FOXP2: variants seen among roughly 807,000 people sequenced by gnomAD.
FOXP2 encodes the protein forkhead box P2, also known as forkhead box protein P2.
A neutral mutation model predicts 115.8 loss-of-function variants in FOXP2; 12 were observed. That is an observed-to-expected ratio of 0.10 (90% confidence interval 0.07 to 0.17). The LOEUF (loss-of-function observed/expected upper bound fraction) is 0.17. FOXP2 is among the 10% of genes least tolerant of loss of function. The probability of loss-of-function intolerance (pLI) is 1.00; values close to 1 mark genes in which losing one functional copy is unlikely to be tolerated. For missense variants in FOXP2, 629 were observed against 843.5 expected (o/e 0.75, Z 3.15); for synonymous variants, 328 against 297.7 (o/e 1.10, Z -1.05).
chr7:114,632,700 TC>T (rs928932950), intron 6 of FOXP2, among the ~76,000 whole-genome samples: 66 of 152,226 alleles, frequency 4.3e-4, no homozygotes, highest in African/African-American at 1.4e-3. Flanking sequence ...TTGGCTTTTT[TC>T]CCCCTGGTTT....
At chr7:114,250,935 A>G (rs1795425375) in intron 1 of FOXP2, among the ~76,000 whole-genome samples, 1 of 152,188 alleles carries the variant, frequency 6.6e-6, no homozygotes, top group African/African-American at 2.4e-5. Flanking sequence ...TTTTAAGTCT[A>G]ACATTTAAGT....
At chr7:114,243,319 A>G (rs1795200346) in intron 1 of FOXP2, among the ~76,000 whole-genome samples, 1 of 152,070 alleles carries the variant, frequency 6.6e-6, no homozygotes, top group African/African-American at 2.4e-5. Context: ...AGAGAGGTAT[A>G]ATAAAGAGGA....
chr7:114,461,511 C>T (rs1178274051), intron 2 of FOXP2, among the ~76,000 whole-genome samples: 1 of 151,952 alleles, frequency 6.6e-6, no homozygotes. Context: ...CTACTGTTCA[C>T]CTGTATGTAT....
chr7:114,136,916 C>CCAGG (rs1408761676), intron 1 of FOXP2, among the ~76,000 whole-genome samples: 1 of 151,816 alleles, frequency 6.6e-6, no homozygotes, highest in Non-Finnish European at 1.5e-5. Context: ...GTTTATGGCC[C>CCAGG]CAGGCTTAAA....
At chr7:114,327,437 C>T (rs1797585382) in intron 2 of FOXP2, among the ~76,000 whole-genome samples, 3 of 151,776 alleles carry the variant, frequency 2.0e-5, no homozygotes, top group Admixed American at 2.0e-4. Flanking sequence ...CAAAAAAGCA[C>T]TATTAAATAT....
chr7:114,109,172 C>T (rs1376287457), intron 1 of FOXP2, among the ~76,000 whole-genome samples: 1 of 150,998 alleles, frequency 6.6e-6, no homozygotes, highest in African/African-American at 2.5e-5. Flanking sequence ...AGAACATGGT[C>T]AATGTTTTGT....
chr7:114,382,234 G>A (rs1032018219), intron 2 of FOXP2, among the ~76,000 whole-genome samples: 1 of 152,186 alleles, frequency 6.6e-6, no homozygotes, highest in Non-Finnish European at 1.5e-5. Context: ...GGCCGCGCCA[G>A]TGTCCAGGAG....
At chr7:114,479,088 G>A (rs1006294654) in intron 2 of FOXP2, among the ~76,000 whole-genome samples, 11 of 151,436 alleles carry the variant, frequency 7.3e-5, no homozygotes, top group Admixed American at 4.6e-4. Context: ...TTTTTTCTGC[G>A]TAAAACATAC....
At chr7:114,292,502 T>G (rs1013074603) in intron 2 of FOXP2, among the ~76,000 whole-genome samples, 3 of 152,144 alleles carry the variant, frequency 2.0e-5, no homozygotes, top group Non-Finnish European at 4.4e-5. Flanking sequence ...CCTTTTCTCT[T>G]TACTCTGATA....
At chr7:114,531,868 A>G (rs1238970150) in intron 2 of FOXP2, among the ~76,000 whole-genome samples, 3 of 151,912 alleles carry the variant, frequency 2.0e-5, no homozygotes, top group Non-Finnish European at 4.4e-5. Flanking sequence ...AAAACTTGTA[A>G]TATATTTAAT....
intron 2 of FOXP2, among the ~76,000 whole-genome samples, chr7:114,323,030 A>T (rs893553478): frequency 1.3e-5 from 2 of 152,152 alleles, no homozygotes; most frequent in African/African-American, 2.4e-5. Context: ...TCTTAGTTCC[A>T]TATTTTATAT....
intron 2 of FOXP2, among the ~76,000 whole-genome samples, chr7:114,408,633 AG>A (rs1482375866): frequency 6.6e-6 from 1 of 152,108 alleles, no homozygotes; most frequent in Non-Finnish European, 1.5e-5. Flanking sequence ...AGGCTGAGGC[AG>A]GAGAATCGCT....
At chr7:114,292,638 A>G (rs77758461) in intron 2 of FOXP2, among the ~76,000 whole-genome samples, 3,909 of 152,098 alleles carry the variant, frequency 0.026, 72 homozygotes, top group Non-Finnish European at 0.041. Flanking sequence ...CTTTTCCACT[A>G]TATTTTTCTT....
chr7:114,261,763 A>T (rs969800224), intron 1 of FOXP2, among the ~76,000 whole-genome samples: 4 of 152,192 alleles, frequency 2.6e-5, no homozygotes, highest in East Asian at 1.9e-4. Flanking sequence ...ATTATCTTCT[A>T]TCCTTAGAAT....
chr7:114,576,230 C>A (rs1801568538), intron 3 of FOXP2, among the ~76,000 whole-genome samples: 1 of 151,876 alleles, frequency 6.6e-6, no homozygotes, highest in South Asian at 2.1e-4. Flanking sequence ...AAAGCCTTGG[C>A]TGACATTTGT....
chr7:114,106,988 C>T (rs986040773), intron 1 of FOXP2, among the ~76,000 whole-genome samples: 1 of 151,774 alleles, frequency 6.6e-6, no homozygotes, highest in Non-Finnish European at 1.5e-5. Flanking sequence ...TTTAAGAGAT[C>T]CCTACTTTCT....
At chr7:114,125,813 A>T (rs966792181) in intron 1 of FOXP2, among the ~76,000 whole-genome samples, 18 of 152,098 alleles carry the variant, frequency 1.2e-4, no homozygotes, top group African/African-American at 4.3e-4. Context: ...TAATGTACCA[A>T]TTTGTGCACA....
intron 1 of FOXP2, among the ~76,000 whole-genome samples, chr7:114,109,710 T>C (rs899859322): frequency 6.6e-6 from 1 of 152,126 alleles, no homozygotes; most frequent in African/African-American, 2.4e-5. Context: ...TAAAAATAGT[T>C]AAAGGAAAAA....
upstream of FOXP2, chr7:114,086,526 G>C (rs1799421795): frequency 5.1e-6 from 2 of 393,076 alleles, no homozygotes; most frequent in African/African-American, 4.4e-5. Context: ...GCCCGGACTC[G>C]CGCGTGGGTG....
Sources: gnomAD v4.1 joint callset for allele counts (sites outside exome capture counted in the v4.1 genomes callset) on GRCh38, gnomAD v4.1.1 for gene constraint, MANE v1.5 for transcripts, NCBI Gene and HGNC (gene_info 2026-07-23, HGNC 2026-07-21) for gene names.